NELL1: variants seen among roughly 807,000 people sequenced by gnomAD.
The protein encoded by NELL1 is protein kinase C-binding protein NELL1.
Under a neutral mutation model 107.4 loss-of-function variants are expected in NELL1, and 76 were observed. The ratio of observed to expected loss-of-function variants is 0.71; its 90% confidence interval spans 0.59 to 0.86. The LOEUF is 0.86. NELL1 is among the 40% of genes least tolerant of loss of function. The probability of loss-of-function intolerance (pLI) is 0.00; values close to 1 mark genes in which losing one functional copy is unlikely to be tolerated. For missense variants in NELL1, 1,024 were observed against 1,005.5 expected, an observed-to-expected ratio of 1.02 and a Z score of -0.25; for synonymous variants, 353 against 341.2, an observed-to-expected ratio of 1.03 and a Z score of -0.38.
intron 15 of NELL1, among the ~76,000 whole-genome samples, chr11:21,409,576 TATA>T (rs1222687902): frequency 1.3e-5 from 2 of 151,778 alleles, no homozygotes; most frequent in East Asian, 3.9e-4. Flanking sequence ...AAACTTAAAG[TATA>T]ATAATAATAA....
At chr11:21,258,411 T>TA (rs1858823791) in intron 14 of NELL1, among the ~76,000 whole-genome samples, 2 of 151,996 alleles carry the variant, frequency 1.3e-5, no homozygotes, top group South Asian at 2.1e-4. Context: ...AGAATGTATA[T>TA]AAAATCAACA....
At chr11:20,770,978 A>C in intron 2 of NELL1, 1 of 145,578 alleles carries the variant, frequency 6.9e-6, no homozygotes, top group Non-Finnish European at 1.5e-5. Context: ...TTCCAGAAAC[A>C]ACCTGCACAG....
intron 13 of NELL1, among the ~76,000 whole-genome samples, chr11:21,116,068 C>T (rs1855228570): frequency 6.6e-6 from 1 of 152,036 alleles, no homozygotes; most frequent in African/African-American, 2.4e-5. Flanking sequence ...CTCCTCACCT[C>T]TCTCCAGTCA....
chr11:20,904,216 T>TAA (rs59464771), intron 5 of NELL1, among the ~76,000 whole-genome samples: 6 of 137,648 alleles, frequency 4.4e-5, no homozygotes, highest in African/African-American at 1.6e-4. Context: ...AATAAATAAA[T>TAA]AAAAAAAAAA....
intron 14 of NELL1, among the ~76,000 whole-genome samples, chr11:21,345,843 G>A (rs17233214): frequency 0.04 from 6,081 of 152,124 alleles, 134 homozygotes; most frequent in Admixed American, 0.084. Context: ...AGATCTGCAC[G>A]ACCAGCAATA....
chr11:21,148,282 A>C (rs1856031811), intron 13 of NELL1, among the ~76,000 whole-genome samples: 1 of 152,210 alleles, frequency 6.6e-6, no homozygotes, highest in African/African-American at 2.4e-5. Context: ...TGTGCATATG[A>C]ATGAAGAAGG....
Position 21,323,057 on chromosome 11 carries a change from A to C in NELL1, c.1550-47796A>C, listed in dbSNP as rs551661260. ...ATCAAAGGGCTCTTTAAAATTCTCT[A>C]ATGCATGGAGTTTAACTGGAGAGAA... On this transcript the variant is annotated intron_variant, in intron 14 of 19. Transcript: ENST00000357134. 1.1e-4 allele frequency among the ~76,000 whole-genome samples: 17 copies of C among 152,312 alleles called. No individual in the cohort carries two copies. The South Asian group carries it at 3.5e-3, about 32-fold the overall frequency.
intron 12 of NELL1, among the ~76,000 whole-genome samples, chr11:20,996,040 G>C (rs1052109098): frequency 6.6e-6 from 1 of 152,196 alleles, no homozygotes; most frequent in African/African-American, 2.4e-5. Flanking sequence ...TCAGGTATCA[G>C]GGTTGAAATT....
chr11:20,796,178 A>T (rs912509561), intron 3 of NELL1, among the ~76,000 whole-genome samples: 1 of 152,216 alleles, frequency 6.6e-6, no homozygotes, highest in Non-Finnish European at 1.5e-5. Flanking sequence ...CATTTGAAAT[A>T]GTAATTAGCT....
At chr11:21,454,508 T>G (rs1853672042) in intron 15 of NELL1, among the ~76,000 whole-genome samples, 2 of 152,230 alleles carry the variant, frequency 1.3e-5, no homozygotes, top group African/African-American at 2.4e-5. Context: ...TCTCCATATC[T>G]TATAAACTCT....
intron 16 of NELL1, among the ~76,000 whole-genome samples, chr11:21,545,035 A>G (rs1856402718): frequency 6.6e-6 from 1 of 152,010 alleles, no homozygotes; most frequent in South Asian, 2.1e-4. Context: ...GTGGTCACTA[A>G]AAATGTGAAT....
intron 12 of NELL1, among the ~76,000 whole-genome samples, chr11:21,066,773 G>C (rs1360146136): frequency 1.3e-5 from 2 of 151,890 alleles, no homozygotes; most frequent in Non-Finnish European, 2.9e-5. Context: ...CAGCAACATG[G>C]TGAAACCTTG....
intron 16 of NELL1, among the ~76,000 whole-genome samples, chr11:21,545,300 A>C (rs1233688190): frequency 6.6e-6 from 1 of 152,004 alleles, no homozygotes; most frequent in Non-Finnish European, 1.5e-5. Context: ...ACAGGACCTC[A>C]AAGTCCCAGA....
intron 13 of NELL1, among the ~76,000 whole-genome samples, chr11:21,115,213 G>C (rs1034757720): frequency 6.6e-6 from 1 of 152,008 alleles, no homozygotes; most frequent in Non-Finnish European, 1.5e-5. Context: ...ATTACTTTTA[G>C]AAAGGGAACT....
chr11:20,915,717 A>ATATATTT, intron 5 of NELL1, among the ~76,000 whole-genome samples: 27 of 58,218 alleles, frequency 4.6e-4, no homozygotes, highest in South Asian at 1.2e-3. Flanking sequence ...ATATATATAT[A>ATATATTT]TTTTTTTTTT....
At chr11:20,784,029 C>G (rs771956077) in intron 3 of NELL1, among the ~76,000 whole-genome samples, 199 bp downstream of exon 3, 1 of 152,156 alleles carries the variant, frequency 6.6e-6, no homozygotes, top group Non-Finnish European at 1.5e-5. Flanking sequence ...CTCCAAGGAC[C>G]AATCATGAGT....
chr11:21,369,315 A>G (rs1329403621), intron 14 of NELL1, among the ~76,000 whole-genome samples: 1 of 147,468 alleles, frequency 6.8e-6, no homozygotes, highest in Non-Finnish European at 1.5e-5. Flanking sequence ...CTACATGTGT[A>G]TTTTATATAT....
At chr11:21,402,942 A>C (rs1488212330) in intron 15 of NELL1, among the ~76,000 whole-genome samples, 1 of 151,686 alleles carries the variant, frequency 6.6e-6, no homozygotes. Flanking sequence ...GCTAAGAGCT[A>C]GCTGACCTCC....
At chr11:21,508,276 A>C (rs1186106094) in intron 15 of NELL1, among the ~76,000 whole-genome samples, 1 of 151,900 alleles carries the variant, frequency 6.6e-6, no homozygotes, top group Non-Finnish European at 1.5e-5. Flanking sequence ...AAATAGACAA[A>C]TAACTAGAAA....
Sources: allele counts gnomAD v4.1 joint callset (sites outside exome capture counted in the v4.1 genomes callset), GRCh38; gene constraint gnomAD v4.1.1; transcripts MANE v1.5; gene names NCBI Gene and HGNC (gene_info 2026-07-23, HGNC 2026-07-21).